Variants in DCC observed in about 807,000 individuals in gnomAD.
DCC encodes the protein DCC netrin 1 receptor, also known as netrin receptor DCC.
A neutral mutation model predicts 172.5 loss-of-function variants in DCC; 58 were observed. That is an observed-to-expected ratio of 0.34 (90% confidence interval 0.27 to 0.42). DCC has a LOEUF of 0.42. DCC is among the 10% of genes least tolerant of loss of function. The pLI is 1.00. For synonymous variants in DCC, 709 were observed against 644.5 expected (o/e 1.10, Z -1.52); for missense variants, 1,740 against 1,791.0 (o/e 0.97, Z 0.51).
At chr18:52,728,368 C>T (rs901230945) in intron 1 of DCC, among the ~76,000 whole-genome samples, 5 of 152,130 alleles carry the variant, frequency 3.3e-5, no homozygotes, top group South Asian at 2.1e-4. Flanking sequence ...GATCTCTCAC[C>T]GAGTAGGCAG....
At chr18:53,276,209 T>A (rs1598973519) in intron 12 of DCC, among the ~76,000 whole-genome samples, 1 of 152,150 alleles carries the variant, frequency 6.6e-6, no homozygotes, top group South Asian at 2.1e-4. Flanking sequence ...ATCTATAACA[T>A]ATAGCTTCAC....
intron 3 of DCC, among the ~76,000 whole-genome samples, chr18:52,921,446 C>T (rs1399247048): frequency 6.6e-6 from 1 of 151,998 alleles, no homozygotes; most frequent in South Asian, 2.1e-4. Flanking sequence ...CGCCTGTAAT[C>T]CCAGCACTTT....
intron 1 of DCC, among the ~76,000 whole-genome samples, chr18:52,552,140 C>T (rs893051462): frequency 2.6e-5 from 4 of 151,412 alleles, no homozygotes; most frequent in Admixed American, 6.6e-5. Context: ...CAAAAAGTGG[C>T]GGATTGATAG....
chr18:53,448,727 C>T (rs1173661509), intron 22 of DCC, among the ~76,000 whole-genome samples: 3 of 152,146 alleles, frequency 2.0e-5, no homozygotes, highest in African/African-American at 7.2e-5. Flanking sequence ...GTGGCACATG[C>T]CTGTAATCCC....
chr18:53,148,658 A>G (rs1356923476), intron 7 of DCC, among the ~76,000 whole-genome samples: 1 of 152,180 alleles, frequency 6.6e-6, no homozygotes, highest in Non-Finnish European at 1.5e-5. Context: ...GAGACCTGAA[A>G]TGAAATAAAG....
At chr18:52,418,629 C>T (rs1487995649) in intron 1 of DCC, among the ~76,000 whole-genome samples, 2 of 152,022 alleles carry the variant, frequency 1.3e-5, no homozygotes, top group South Asian at 2.1e-4. Context: ...GGTTTTCATC[C>T]TATACAGTCA....
At chr18:53,116,161 C>T (rs571530990) in intron 7 of DCC, among the ~76,000 whole-genome samples, 14 of 151,696 alleles carry the variant, frequency 9.2e-5, no homozygotes, top group Admixed American at 7.2e-4. Flanking sequence ...AGGTTCTTGG[C>T]CACTTGAACA....
At chr18:53,194,378 T>C (rs2055412503) in intron 9 of DCC, among the ~76,000 whole-genome samples, 1 of 152,158 alleles carries the variant, frequency 6.6e-6, no homozygotes, top group South Asian at 2.1e-4. Context: ...ATATCGGTGA[T>C]GTCACATGTC....
intron 23 of DCC, among the ~76,000 whole-genome samples, chr18:53,453,253 A>G (rs1023176496): frequency 6.6e-6 from 1 of 152,102 alleles, no homozygotes; most frequent in Non-Finnish European, 1.5e-5. Context: ...TCCATTGAGG[A>G]CCGCTACTCC....
At chr18:52,929,180 C>T (rs7228900) in intron 5 of DCC, among the ~76,000 whole-genome samples, 146,781 of 152,056 alleles carry the variant, frequency 0.97, 71,076 homozygotes, top group Middle Eastern at 1. Flanking sequence ...ACCTTAGGTG[C>T]TACTTTTAAT....
At chr18:52,901,599 A>G (rs960953401) in intron 2 of DCC, among the ~76,000 whole-genome samples, 15 of 152,194 alleles carry the variant, frequency 9.9e-5, no homozygotes, top group African/African-American at 3.6e-4. Flanking sequence ...GGCATAAATG[A>G]TAAAACAATC....
chr18:53,033,650 C>A (rs1203154142), intron 5 of DCC, among the ~76,000 whole-genome samples: 1 of 152,106 alleles, frequency 6.6e-6, no homozygotes, highest in Non-Finnish European at 1.5e-5. Context: ...CCTGCATCAT[C>A]TATTTTTCCC....
At chr18:52,680,877 C>T (rs1200851098) in intron 1 of DCC, among the ~76,000 whole-genome samples, 1 of 152,038 alleles carries the variant, frequency 6.6e-6, no homozygotes, top group East Asian at 1.9e-4. Context: ...ACATAGATAA[C>T]ATGATACAGA....
At chr18:52,635,865 A>G (rs551049661) in intron 1 of DCC, among the ~76,000 whole-genome samples, 1 of 152,160 alleles carries the variant, frequency 6.6e-6, no homozygotes, top group Non-Finnish European at 1.5e-5. Context: ...ACTAGAATGC[A>G]CCTCTAGACA....
intron 5 of DCC, among the ~76,000 whole-genome samples, chr18:52,977,922 A>G (rs1033701256): frequency 1.3e-5 from 2 of 151,786 alleles, no homozygotes; most frequent in African/African-American, 4.8e-5. Context: ...AAGAAAAAAA[A>G]AGCATATCTG....
At chr18:52,871,221 C>A (rs1055998887) in intron 2 of DCC, among the ~76,000 whole-genome samples, 1 of 152,138 alleles carries the variant, frequency 6.6e-6, no homozygotes, top group Admixed American at 6.5e-5. Flanking sequence ...TGCTTCAGGC[C>A]CAATCCCAAC....
intron 27 of DCC, among the ~76,000 whole-genome samples, chr18:53,524,490 A>G (rs1366877914): frequency 2.0e-5 from 3 of 152,052 alleles, no homozygotes; most frequent in Non-Finnish European, 4.4e-5. Context: ...TTAACTTTAA[A>G]TGTGTTTTTG....
At chr18:52,852,281 C>T (rs1486622948) in intron 2 of DCC, among the ~76,000 whole-genome samples, 1 of 151,862 alleles carries the variant, frequency 6.6e-6, no homozygotes, top group Non-Finnish European at 1.5e-5. Context: ...TTATTTTTTG[C>T]ATATTACTTT....
intron 25 of DCC, among the ~76,000 whole-genome samples, chr18:53,472,043 AG>A (rs2045703470): frequency 1.3e-5 from 2 of 152,270 alleles, no homozygotes; most frequent in African/African-American, 4.8e-5. Context: ...GTCAAATGAA[AG>A]AATTAATAGT....
Sources: allele counts gnomAD v4.1 joint callset (sites outside exome capture counted in the v4.1 genomes callset), GRCh38; gene constraint gnomAD v4.1.1; transcripts MANE v1.5; gene names NCBI Gene and HGNC (gene_info 2026-07-23, HGNC 2026-07-21).